PLXNA1: variants seen among roughly 807,000 people sequenced by gnomAD.
PLXNA1 encodes the protein plexin A1, also known as plexin-A1.
PLXNA1 carries 77 observed loss-of-function variants against 191.7 expected under a neutral mutation model. The ratio of observed to expected loss-of-function variants is 0.40; its 90% CI spans 0.33 to 0.49. The LOEUF is 0.49. Among genes scored for constraint, PLXNA1 ranks in the 20% least tolerant of loss-of-function variants. PLXNA1 has a pLI of 0.63. For missense variants in PLXNA1, 2,110 were observed against 2,660.2 expected, an observed-to-expected ratio of 0.79 and a Z score of 4.55; for synonymous variants, 1,137 against 1,156.4, an observed-to-expected ratio of 0.98 and a Z score of 0.34.
chr3:127,032,144 G>A (rs1005392325), intron 29 of PLXNA1, among the ~76,000 whole-genome samples: 44 of 152,360 alleles, frequency 2.9e-4, no homozygotes, highest in African/African-American at 9.1e-4. Context: ...AAACGAGTGC[G>A]TTTGAGCACG....
chr3:126,991,330 G>A, intron 2 of PLXNA1, 54 bp from the exon 3 acceptor site: 1 of 1,595,174 alleles, frequency 6.3e-7, no homozygotes, highest in Non-Finnish European at 8.6e-7. Context: ...GGGAGGCCCA[G>A]TCCTCCGGGA....
chr3:127,018,066 C>T (rs1193839763), intron 19 of PLXNA1, among the ~76,000 whole-genome samples, 174 bp downstream of exon 19: 1 of 152,106 alleles, frequency 6.6e-6, no homozygotes, highest in African/African-American at 2.4e-5. Flanking sequence ...TCCTTGAGCC[C>T]CCCGAGACTG....
Position 127,014,599 on chromosome 3 carries a change from C to A in PLXNA1, c.2726C>A (p.Pro909His). ...CGCGTGGGCAAGGTGCTGTGCAGCCCTGTGGAGAGCGAGTACATCAGTGCG... is the reference window on the plus strand; with the variant it reads ...CGCGTGGGCAAGGTGCTGTGCAGCCATGTGGAGAGCGAGTACATCAGTGCG... ...GVRVGKVLCS[P>H]VESEYISAEQ... The change falls in exon 13 of 32, where the codon CCT becomes CAT. Residue 909 changes from proline (P) to histidine (H), a missense_variant. Coordinates refer to ENST00000393409, the MANE Select transcript of PLXNA1 (RefSeq NM_032242.4). The A allele has an allele frequency of 6.2e-7, 1 of 1,613,280 alleles. No homozygotes were observed. Among genetic ancestry groups the A allele is most frequent in the Non-Finnish European group, 8.5e-7 (1 of 1,179,848 alleles).
At chr3:127,004,557 G>A (rs2079056048) in intron 4 of PLXNA1, 54 bp from the exon 5 acceptor site, 1 of 1,269,180 alleles carries the variant, frequency 7.9e-7, no homozygotes. Context: ...AGGTGAGGAT[G>A]GTCAAGGACC....
Position 127,001,484 on chromosome 3 carries a change from G to A in PLXNA1, c.1378-1846G>A, listed in dbSNP as rs534150466. Among the ~76,000 whole-genome samples the A allele has an allele frequency of 9.5e-4, 144 of 152,324 alleles. 3 individuals carry two copies. In the Middle Eastern group the frequency reaches 0.01, roughly 11 times the overall value. On this transcript the variant is annotated intron_variant, in intron 3 of 31. Transcript: ENST00000393409. ...CCCTGGTGCTGGTAGGGGAGGGGGAGCTGGGGCTGGGCTTCACAGCGGGAA... is the reference window on the plus strand; with the variant it reads ...CCCTGGTGCTGGTAGGGGAGGGGGAACTGGGGCTGGGCTTCACAGCGGGAA...
intron 8 of PLXNA1, 59 bp downstream of exon 8, chr3:127,006,237 C>T (rs2079068609): frequency 1.5e-6 from 2 of 1,293,292 alleles, no homozygotes; most frequent in Admixed American, 1.7e-5. Context: ...CCACTCCCGT[C>T]CCTGTGGTCC....
At chr3:127,022,011 C>T (rs1028988359) in intron 21 of PLXNA1, 74 bp from the exon 22 acceptor site, 1 of 1,553,594 alleles carries the variant, frequency 6.4e-7, no homozygotes, top group Non-Finnish European at 8.7e-7. Flanking sequence ...CAGGCCTGGA[C>T]AGCCCCTCAC....
chr3:127,030,774 C>G (rs565894433), intron 29 of PLXNA1, among the ~76,000 whole-genome samples: 60 of 152,342 alleles, frequency 3.9e-4, no homozygotes, highest in African/African-American at 1.4e-3. Context: ...ATGAGGGCAA[C>G]AGGGACTGCA....
chr3:126,983,352 T>G lies in PLXNA1; in HGVS notation c.-74+65T>G, dbSNP rs1487774522. Among the ~76,000 whole-genome samples, 73 of 140,174 alleles carry G rather than the reference T, an allele frequency of 5.2e-4. 3 individuals are homozygous for G. In the East Asian group the frequency reaches 0.013, roughly 25 times the overall value. The allele number at this position is 140,174 out of a possible 152,430, so 92.0% of individuals were successfully genotyped here. Reference sequence around the variant, plus strand: ...GGGCGGGGGCCGGGCCGGGCTGGGGTCCGGGGCCGGGCGGCCCGTGGGTGG... The same window carrying G: ...GGGCGGGGGCCGGGCCGGGCTGGGGGCCGGGGCCGGGCGGCCCGTGGGTGG... On this transcript the variant is annotated intron_variant, in intron 1 of 31. Transcript: ENST00000393409.
intron 3 of PLXNA1, among the ~76,000 whole-genome samples, chr3:126,998,362 G>A (rs1472131683): frequency 6.6e-6 from 1 of 152,144 alleles, no homozygotes; most frequent in African/African-American, 2.4e-5. Context: ...AGGAGAGAGG[G>A]CACCAGGCAG....
At position 127,014,134 on chromosome 3, in the gene PLXNA1, C is replaced by T. The variant is rs769771633; in HGVS notation, c.2410+18C>T. 10 of 1,613,208 alleles carry T rather than the reference C, an allele frequency of 6.2e-6. No individual in the cohort carries two copies. Among genetic ancestry groups the T allele is most frequent in the Middle Eastern group, 1.6e-4 (1 of 6,062 alleles). On this transcript the variant is annotated intron_variant, in intron 11 of 31. Coordinates refer to ENST00000393409, the MANE Select transcript of PLXNA1 (RefSeq NM_032242.4). ...CATCCAGGGTGAGTGGGCGCCCCGG[C>T]GGGGTGGGCAGTGGGCGGGCCCGAG...
intron 23 of PLXNA1, among the ~76,000 whole-genome samples, chr3:127,025,042 G>T (rs909829499): frequency 6.6e-6 from 1 of 152,088 alleles, no homozygotes; most frequent in Admixed American, 6.5e-5. Context: ...GGGTGCATTT[G>T]GTCCAGTCAG....
chr3:127,017,110 C>T lies in PLXNA1; in HGVS notation c.3276+73C>T, dbSNP rs1185938936. The T allele has an allele frequency of 5.9e-6, 8 of 1,348,896 alleles. 1 individual carries two copies. The South Asian group carries it at 7.8e-5, about 13-fold the overall frequency. 83.6% of individuals were successfully genotyped at this position (1,348,896 alleles called of 1,614,324 possible). Reference sequence around the variant, plus strand: ...GGATGGGGCTCCTGCTAGGAATACCCGTGTCCCTGCCCCTGCCCCTACCCC... The same window carrying T: ...GGATGGGGCTCCTGCTAGGAATACCTGTGTCCCTGCCCCTGCCCCTACCCC... On this transcript the variant is annotated intron_variant, in intron 17 of 31. Coordinates refer to ENST00000393409, the MANE Select transcript of PLXNA1 (RefSeq NM_032242.4).
At chr3:127,028,158 C>G (rs75736787) in intron 24 of PLXNA1, 23 bp from the exon 25 acceptor site, 91,162 of 1,613,270 alleles carry the variant, frequency 0.057, 2,867 homozygotes, top group African/African-American at 0.1. Context: ...TGACGCTGCC[C>G]CCTTGCTCCA....
At chr3:127,003,058 C>T (rs1388544214) in intron 3 of PLXNA1, among the ~76,000 whole-genome samples, 1 of 152,166 alleles carries the variant, frequency 6.6e-6, no homozygotes, top group Non-Finnish European at 1.5e-5. Flanking sequence ...TGTCTCCAGG[C>T]CCCAATACCT....
intron 1 of PLXNA1, among the ~76,000 whole-genome samples, chr3:126,983,610 C>T (rs1403956254): frequency 6.8e-6 from 1 of 147,986 alleles, no homozygotes; most frequent in African/African-American, 2.4e-5. Flanking sequence ...GCCGCGGCCT[C>T]CCCCGCCCCC....
chr3:126,989,521 C>T lies in PLXNA1; in HGVS notation c.928C>T (p.Arg310Cys), dbSNP rs778885164. Residue 310 changes from arginine to cysteine, a missense_variant, in exon 2 of 32, where the codon CGC (arginine) becomes TGC (cysteine). Arg to Cys is a radical substitution (Grantham distance 180). Coordinates refer to ENST00000393409, the MANE Select transcript of PLXNA1 (RefSeq NM_032242.4). ...CTGCGAGCAGGCGGGTGTGGAGTAC[C>T]GCCTGGTGCAGGATGCCTACCTGAG... is the stretch of plus-strand genomic sequence containing the variant. ...IGCEQAGVEY[R>C]LVQDAYLSRP... is the part of the protein sequence containing the mutation. The T allele has an allele frequency of 9.3e-6, 15 of 1,613,254 alleles. No homozygotes were observed. Among genetic ancestry groups the T allele is most frequent in the East Asian group, 8.9e-5 (4 of 44,888 alleles).
At position 127,014,487 on chromosome 3, in the gene PLXNA1, G is replaced by A. The variant is rs1314981873; in HGVS notation, c.2614G>A (p.Glu872Lys). The part of the protein sequence containing the change: ...TDPKILKLSP[E>K]TGPRQGGTRL... ...CCTCTGCCTCCCTCAGCTGTCCCCC[G>A]AGACGGGCCCGAGGCAGGGCGGCAC... The change falls in exon 13 of 32, where the codon GAG (glutamate) becomes AAG (lysine). Residue 872 changes from glutamate to lysine, a missense_variant. By Grantham distance (56) the Glu-to-Lys change is moderately conservative. Transcript: ENST00000393409. 5.0e-6 allele frequency: 8 copies of A among 1,603,200 alleles called. No individual in the cohort carries two copies. The highest frequency in any genetic ancestry group is 1.1e-5 in the South Asian group (1 of 90,982).
In PLXNA1 at chr3:127,017,386, G is replaced by T. The variant is rs376241173; in HGVS notation, c.3277-39G>T. 3.1e-6 allele frequency: 5 copies of T among 1,596,794 alleles called. No individual in the cohort carries two copies. In the Admixed American group the frequency reaches 5.1e-5, roughly 16 times the overall value. ...GTCACTGGGAGCTGCCGGGCCACTC[G>T]CGGAGGTCCCGCCCAGCATCCCCAC... On this transcript the variant is annotated intron_variant, in intron 17 of 31. Transcript: ENST00000393409.
Sources: gnomAD v4.1 joint callset for allele counts (sites outside exome capture counted in the v4.1 genomes callset) on GRCh38, gnomAD v4.1.1 for gene constraint, MANE v1.5 for transcripts, NCBI Gene and HGNC (gene_info 2026-07-23, HGNC 2026-07-21) for gene names.